Variants in PRELID2 observed in about 807,000 individuals in gnomAD.
The protein encoded by PRELID2 is PRELI domain containing 2, also known as PRELI domain-containing protein 2.
A neutral mutation model predicts 28.4 loss-of-function variants in PRELID2; 25 were observed. The observed-to-expected ratio is 0.88, with a 90% CI of 0.64 to 1.23. The LOEUF (loss-of-function observed/expected upper bound fraction) is 1.23. Among genes scored for constraint, PRELID2 ranks in the 50% most tolerant of loss-of-function variants. The pLI is 0.00. For missense variants in PRELID2, 201 were observed against 214.4 expected (o/e 0.94, Z 0.39); for synonymous variants, 76 against 71.6 (o/e 1.06, Z -0.31).
chr5:145,315,173 G>T, the PRELID2 span, among the ~76,000 whole-genome samples: 2 of 149,092 alleles, frequency 1.3e-5, no homozygotes, highest in African/African-American at 4.9e-5. Flanking sequence ...GGGCTCAAGC[G>T]ATTCTCCTGC....
At chr5:145,333,354 T>C in the PRELID2 span, among the ~76,000 whole-genome samples, 1 of 152,174 alleles carries the variant, frequency 6.6e-6, no homozygotes, top group Non-Finnish European at 1.5e-5. Flanking sequence ...TTTTAGTCTG[T>C]TGAAGGTGTG....
rs138261880 is a variant in PRELID2, at chr5:145,560,818, G to A, written n.71-87503C>T. Among the ~76,000 whole-genome samples, 25 of 152,304 alleles carry A rather than the reference G, an allele frequency of 1.6e-4. No homozygotes were observed. In the East Asian group the frequency reaches 4.8e-3, roughly 29 times the overall value. On this transcript the variant is annotated intron_variant and non_coding_transcript_variant, in intron 1 of 2. Coordinates refer to the PRELID2 transcript ENST00000510259. ...ACCAAAATGCCTCTCTTCTTTCCCA[G>A]TGCAGTTAGGGCTGTAATGCACACT...
intron 1 of PRELID2, among the ~76,000 whole-genome samples, chr5:145,703,413 C>A (rs894329008): frequency 6.6e-6 from 1 of 152,160 alleles, no homozygotes; most frequent in Non-Finnish European, 1.5e-5. Flanking sequence ...GGTAGACATG[C>A]CCCAAATACA....
In PRELID2 at chr5:145,729,682, G is replaced by T. The variant is rs1381804265; in HGVS notation, n.70+35249C>A. ...GGTGTCCGTTGACGATGCGTCCTCTGCTTTTACATGCTCTAGCATTCCTTC... is the reference window on the plus strand; with the variant it reads ...GGTGTCCGTTGACGATGCGTCCTCTTCTTTTACATGCTCTAGCATTCCTTC... On this transcript the variant is annotated intron_variant and non_coding_transcript_variant, in intron 1 of 2. Transcript: ENST00000510259. Among the ~76,000 whole-genome samples the T allele has an allele frequency of 3.3e-5, 5 of 152,214 alleles. No individual in the cohort carries two copies. In the South Asian group the frequency reaches 1.0e-3, roughly 32 times the overall value.
chr5:145,652,136 C>G (rs894202372), intron 1 of PRELID2, among the ~76,000 whole-genome samples: 3 of 152,016 alleles, frequency 2.0e-5, no homozygotes, highest in African/African-American at 7.2e-5. Context: ...AATCAATCAA[C>G]TGGAAGAAAG....
At chr5:145,460,025 G>T in the PRELID2 span, among the ~76,000 whole-genome samples, 1 of 152,130 alleles carries the variant, frequency 6.6e-6, no homozygotes, top group South Asian at 2.1e-4. Context: ...TGGCCAGACT[G>T]GTCTTGAACT....
At chr5:145,504,187 T>C (rs919196475) in intron 1 of PRELID2, among the ~76,000 whole-genome samples, 2 of 152,178 alleles carry the variant, frequency 1.3e-5, no homozygotes, top group African/African-American at 4.8e-5. Flanking sequence ...CAGCACAAGC[T>C]AGCAGGGCAG....
At chr5:145,435,702 G>A in the PRELID2 span, among the ~76,000 whole-genome samples, 1 of 152,000 alleles carries the variant, frequency 6.6e-6, no homozygotes, top group African/African-American at 2.4e-5. Flanking sequence ...TTATATAAAG[G>A]GACTTTATAA....
intron 1 of PRELID2, among the ~76,000 whole-genome samples, chr5:145,735,773 G>C (rs1756478733): frequency 6.6e-6 from 1 of 152,094 alleles, no homozygotes; most frequent in Non-Finnish European, 1.5e-5. Flanking sequence ...CGGTTGCTTT[G>C]GGGATTAAAT....
At position 145,654,400 on chromosome 5, in the gene PRELID2, G is replaced by A. The variant is rs559918509; in HGVS notation, n.70+110531C>T. Reference sequence around the variant, plus strand: ...GGAATCCTCCCTAACTCATTTTATGGGGCCAGCATCATCCTGATAACAAAA... The same window carrying A: ...GGAATCCTCCCTAACTCATTTTATGAGGCCAGCATCATCCTGATAACAAAA... On this transcript the variant is annotated intron_variant and non_coding_transcript_variant, in intron 1 of 2. Transcript: ENST00000510259. Among the ~76,000 whole-genome samples the A allele has an allele frequency of 1.2e-3, 176 of 152,122 alleles. 1 individual carries two copies. Among genetic ancestry groups the A allele is most frequent in the Non-Finnish European group, 2.0e-3 (136 of 67,976 alleles).
At position 145,539,945 on chromosome 5, in the gene PRELID2, G is replaced by T. The variant is rs1312654910; in HGVS notation, n.71-66630C>A. ...GAAATAAGCCAAAATGTGCCTCTAA[G>T]TAATGAAATTATGATTGTCGCTTTT... On this transcript the variant is annotated intron_variant and non_coding_transcript_variant, in intron 1 of 2. Coordinates refer to the PRELID2 transcript ENST00000510259. Among the ~76,000 whole-genome samples, 4 of 151,672 alleles carry T rather than the reference G, an allele frequency of 2.6e-5. No homozygotes were observed. In the East Asian group the frequency reaches 7.7e-4, roughly 29 times the overall value.
chr5:145,416,634 G>A, the PRELID2 span, among the ~76,000 whole-genome samples: 305 of 152,202 alleles, frequency 2.0e-3, 3 homozygotes, highest in Non-Finnish European at 3.4e-3. Context: ...GAATCTCTGG[G>A]ACACAGCTAA....
chr5:145,484,584 T>C (rs2126620460), intron 1 of PRELID2, among the ~76,000 whole-genome samples: 1 of 141,296 alleles, frequency 7.1e-6, no homozygotes, highest in African/African-American at 2.6e-5. Context: ...AAGCATTTCA[T>C]TGGCTCATTT....
chr5:145,311,657 A>C, the PRELID2 span, among the ~76,000 whole-genome samples: 2 of 152,260 alleles, frequency 1.3e-5, no homozygotes, highest in South Asian at 4.2e-4. Context: ...AATTCCATGC[A>C]ACAGTACTAT....
chr5:145,826,402 T>C (rs1475638958), intron 1 of PRELID2, among the ~76,000 whole-genome samples: 1 of 152,216 alleles, frequency 6.6e-6, no homozygotes, highest in Non-Finnish European at 1.5e-5. Context: ...AACTGCAGTG[T>C]GCAAGAGAAC....
chr5:145,812,604 C>T (rs1201659783), intron 4 of PRELID2, among the ~76,000 whole-genome samples: 1 of 152,012 alleles, frequency 6.6e-6, no homozygotes, highest in African/African-American at 2.4e-5. Context: ...AGAGCAGAGC[C>T]TGCACATAGT....
At chr5:145,767,305 G>A (rs1449779789) in intron 5 of PRELID2, among the ~76,000 whole-genome samples, 1 of 151,968 alleles carries the variant, frequency 6.6e-6, no homozygotes, top group African/African-American at 2.4e-5. Context: ...AACTCCAGGG[G>A]ACAATCACCT....
rs571409847 is a variant in PRELID2 at position 145,521,069 on chromosome 5, G to A, written n.71-47754C>T. On this transcript the variant is annotated intron_variant and non_coding_transcript_variant, in intron 1 of 2. Transcript: ENST00000510259. The stretch of plus-strand genomic sequence containing the variant: ...GTTGACAGGGAGTTAACAAATCTAC[G>A]GCTTTCATGGGTAAGGACAGTGTTT... 3.9e-5 allele frequency among the ~76,000 whole-genome samples: 6 copies of A among 152,170 alleles called. No individual in the cohort carries two copies. The East Asian group carries it at 9.7e-4, about 24-fold the overall frequency.
chr5:145,822,260 G>A (rs1754881883), intron 2 of PRELID2, among the ~76,000 whole-genome samples: 1 of 152,154 alleles, frequency 6.6e-6, no homozygotes, highest in South Asian at 2.1e-4. Context: ...AATGGTTTTT[G>A]CTGGAGATGG....
Sources: allele counts gnomAD v4.1 joint callset (sites outside exome capture counted in the v4.1 genomes callset), GRCh38; gene constraint gnomAD v4.1.1; transcripts MANE v1.5; gene names NCBI Gene and HGNC (gene_info 2026-07-23, HGNC 2026-07-21).